Variants in APP observed in about 807,000 individuals in gnomAD.
APP encodes the protein amyloid beta precursor protein.
In APP, 31 loss-of-function variants were observed where a neutral mutation model predicts 101.4. The ratio of observed to expected loss-of-function variants is 0.31; its 90% CI spans 0.23 to 0.41. The LOEUF is 0.41. Among genes scored for constraint, APP ranks in the 10% least tolerant of loss-of-function variants. APP has a pLI of 1.00. For missense variants in APP, 839 were observed against 1,003.7 expected, an observed-to-expected ratio of 0.84 and a Z score of 2.22; for synonymous variants, 366 against 364.4, an observed-to-expected ratio of 1.00 and a Z score of -0.05.
intron 2 of APP, among the ~76,000 whole-genome samples, chr21:26,107,456 T>TA (rs1353214581): frequency 6.6e-6 from 1 of 152,244 alleles, no homozygotes; most frequent in African/African-American, 2.4e-5. Flanking sequence ...TGTCAAAAAC[T>TA]ACACTTCAAC....
At chr21:25,905,314 A>G (rs932643644) in intron 14 of APP, among the ~76,000 whole-genome samples, 4 of 152,180 alleles carry the variant, frequency 2.6e-5, no homozygotes, top group African/African-American at 4.8e-5. Context: ...GTTTTCTAAT[A>G]AAAGCCCTCA....
chr21:25,951,867 G>A (rs2041091022), intron 13 of APP, among the ~76,000 whole-genome samples: 2 of 152,110 alleles, frequency 1.3e-5, no homozygotes, highest in South Asian at 4.1e-4. Context: ...CTACTAAAAA[G>A]GGACGTATTG....
At chr21:26,033,319 C>T (rs557322612) in intron 5 of APP, among the ~76,000 whole-genome samples, 10 of 152,214 alleles carry the variant, frequency 6.6e-5, no homozygotes, top group Admixed American at 2.0e-4. Context: ...CTCTGCTCCT[C>T]GCTCTTCTCT....
chr21:26,059,394 T>C (rs1254831487), intron 3 of APP, among the ~76,000 whole-genome samples: 1 of 152,142 alleles, frequency 6.6e-6, no homozygotes, highest in Admixed American at 6.5e-5. Flanking sequence ...GTGGGGGAAA[T>C]GTTCTGGCAA....
chr21:26,050,851 C>T (rs1235620482), intron 5 of APP, 149 bp downstream of exon 5: 1 of 863,842 alleles, frequency 1.2e-6, no homozygotes, highest in Non-Finnish European at 1.8e-6. Flanking sequence ...CATAAAAATT[C>T]ATAGTTCAGA....
intron 13 of APP, among the ~76,000 whole-genome samples, chr21:25,913,461 G>C (rs974912290): frequency 6.6e-6 from 1 of 152,176 alleles, no homozygotes; most frequent in Admixed American, 6.5e-5. Flanking sequence ...CAAAGCCATA[G>C]GTAGCGGCTA....
intron 1 of APP, among the ~76,000 whole-genome samples, chr21:26,155,997 T>C (rs577861638): frequency 8.4e-4 from 94 of 112,346 alleles, no homozygotes; most frequent in Admixed American, 3.1e-3. Flanking sequence ...CGAGACTTCG[T>C]CTCAAAAAAA....
chr21:25,960,489 A>C (rs1479184908), intron 11 of APP, among the ~76,000 whole-genome samples: 2 of 152,130 alleles, frequency 1.3e-5, no homozygotes, highest in Admixed American at 6.5e-5. Context: ...CTTTTGTTAC[A>C]TTCCAGCCTC....
chr21:25,891,042 G>GGCAT (rs2037662966), intron 17 of APP, among the ~76,000 whole-genome samples: 1 of 152,026 alleles, frequency 6.6e-6, no homozygotes, highest in South Asian at 2.1e-4. Flanking sequence ...CCATCCAAAT[G>GGCAT]GCATTTCAAA....
At chr21:25,979,593 G>A (rs2042348107) in intron 9 of APP, among the ~76,000 whole-genome samples, 1 of 152,018 alleles carries the variant, frequency 6.6e-6, no homozygotes, top group African/African-American at 2.4e-5. Context: ...ACATCTCTTA[G>A]GTTATATCAG....
At chr21:26,053,643 T>C (rs1318088763) in intron 3 of APP, 1 of 319,380 alleles carries the variant, frequency 3.1e-6, no homozygotes, top group Non-Finnish European at 6.0e-6. Flanking sequence ...GCTGCTTAAC[T>C]AGAGAACCAA....
chr21:26,163,901 C>G (rs1379332699), intron 1 of APP, among the ~76,000 whole-genome samples: 1 of 152,190 alleles, frequency 6.6e-6, no homozygotes, highest in Non-Finnish European at 1.5e-5. Context: ...AACAGCAGAT[C>G]ACTATAAAGT....
intron 3 of APP, among the ~76,000 whole-genome samples, chr21:26,080,965 T>C (rs2061587239): frequency 6.6e-6 from 1 of 152,120 alleles, no homozygotes; most frequent in Admixed American, 6.5e-5. Flanking sequence ...ATCTGAAATC[T>C]ACAACAATAT....
chr21:26,170,862 C>G (rs1180579979), upstream of APP: 6 of 420,324 alleles, frequency 1.4e-5, no homozygotes, highest in Non-Finnish European at 2.5e-5. Context: ...CCTAGCGGCG[C>G]CGCCGGGGAA....
chr21:25,882,730 T>C (rs375397517), intron 17 of APP, among the ~76,000 whole-genome samples: 2 of 152,212 alleles, frequency 1.3e-5, no homozygotes, highest in African/African-American at 4.8e-5. Context: ...TGTAAAACCA[T>C]GGTAAGATGA....
chr21:26,019,589 C>T (rs977049833), intron 6 of APP, among the ~76,000 whole-genome samples: 1 of 152,218 alleles, frequency 6.6e-6, no homozygotes. Flanking sequence ...TCTGTGTGTG[C>T]TCATCATCCA....
intron 1 of APP, among the ~76,000 whole-genome samples, chr21:26,146,650 T>G (rs561172757): frequency 1.3e-5 from 2 of 152,182 alleles, no homozygotes; most frequent in African/African-American, 4.8e-5. Flanking sequence ...GGAATACAGA[T>G]AAAACAAGAC....
chr21:26,029,991 G>A (rs191785078), intron 5 of APP, among the ~76,000 whole-genome samples: 85 of 152,232 alleles, frequency 5.6e-4, no homozygotes, highest in African/African-American at 1.9e-3. Flanking sequence ...AAAGAGATCC[G>A]AGAAGCACTA....
At chr21:25,957,062 C>A (rs1338977810) in intron 11 of APP, among the ~76,000 whole-genome samples, 1 of 152,112 alleles carries the variant, frequency 6.6e-6, no homozygotes, top group Non-Finnish European at 1.5e-5. Context: ...AGAGGCCATG[C>A]TACTGTACTT....
Sources: gnomAD v4.1 joint callset for allele counts (sites outside exome capture counted in the v4.1 genomes callset) on GRCh38, gnomAD v4.1.1 for gene constraint, MANE v1.5 for transcripts, NCBI Gene and HGNC (gene_info 2026-07-23, HGNC 2026-07-21) for gene names.